Variants in CNOT2 observed in about 807,000 individuals in gnomAD.
CNOT2 encodes the protein CCR4-NOT transcription complex subunit 2, also known as CC chemokine receptor 4-negative regulator of transcription 2.
Under a neutral mutation model 72.1 loss-of-function variants are expected in CNOT2, and 7 were observed. The observed-to-expected ratio is 0.10, with a 90% confidence interval of 0.06 to 0.18. The LOEUF (loss-of-function observed/expected upper bound fraction) is 0.18. CNOT2 is among the 10% of genes least tolerant of loss of function. The pLI is 1.00. For synonymous variants in CNOT2, 196 were observed against 225.6 expected (o/e 0.87, Z 1.17); for missense variants, 345 against 660.3 (o/e 0.52, Z 5.23).
Position 70,338,537 on chromosome 12 carries a change from A to G in CNOT2, c.995A>G (p.Lys332Arg). 1.2e-6 allele frequency: 2 copies of G among 1,613,170 alleles called. No homozygotes were observed. Among genetic ancestry groups the G allele is most frequent in the Non-Finnish European group, 1.7e-6 (2 of 1,179,506 alleles). The change falls in exon 10 of 16, where the codon AAA becomes AGA. Residue 332 changes from lysine to arginine, a missense_variant. Lys to Arg is a conservative substitution (Grantham distance 26). Coordinates refer to ENST00000229195, the MANE Select transcript of CNOT2 (RefSeq NM_014515.7). Reference protein sequence around the residue: ...SSTTQNNNQQKKGIQVLPDGR... With the variant: ...SSTTQNNNQQRKGIQVLPDGR... The stretch of plus-strand genomic sequence containing the variant: ...ACAACACAAAATAATAACCAGCAGA[A>G]AAAAGGGATCCAGGTGTTACCTGAT...
At chr12:70,250,535 C>CA (rs1355719829) in intron 1 of CNOT2, among the ~76,000 whole-genome samples, 7 of 151,612 alleles carry the variant, frequency 4.6e-5, no homozygotes, top group Admixed American at 2.6e-4. Flanking sequence ...GAGGAGGAGA[C>CA]AGACAGTAAA....
At chr12:70,308,666 G>A (rs1048184564) in intron 2 of CNOT2, among the ~76,000 whole-genome samples, 4 of 150,536 alleles carry the variant, frequency 2.7e-5, no homozygotes, top group South Asian at 2.1e-4. Context: ...ATTTTCTTTC[G>A]TCTGGAACAT....
intron 2 of CNOT2, among the ~76,000 whole-genome samples, chr12:70,286,251 A>G (rs953938152): frequency 2.0e-5 from 3 of 149,274 alleles, no homozygotes; most frequent in African/African-American, 7.3e-5. Flanking sequence ...GAGTGTTTAT[A>G]CCAATTTTGA....
rs145570880 is a variant in CNOT2, at chr12:70,305,678, G to T, written c.49-5217G>T. Among the ~76,000 whole-genome samples, 3 of 152,196 alleles carry T rather than the reference G, an allele frequency of 2.0e-5. No homozygotes were observed. The East Asian group carries it at 5.8e-4, about 29-fold the overall frequency. On this transcript the variant is annotated intron_variant, in intron 2 of 15. Transcript: ENST00000229195. ...AAAATTAAGCTGAAACATAAGATTT[G>T]TGTTGGGTTCTAAGATAGTTAGTGC...
intron 1 of CNOT2, among the ~76,000 whole-genome samples, chr12:70,269,227 A>G (rs1025117902): frequency 2.6e-5 from 4 of 151,760 alleles, no homozygotes; most frequent in South Asian, 2.1e-4. Flanking sequence ...CTACCAGACT[A>G]CAATGTATCT....
At chr12:70,270,922 A>AT (rs1959200382) in intron 1 of CNOT2, among the ~76,000 whole-genome samples, 1 of 152,248 alleles carries the variant, frequency 6.6e-6, no homozygotes, top group Non-Finnish European at 1.5e-5. Flanking sequence ...AAGGACTTAT[A>AT]TAAAGTTCTT....
At chr12:70,333,389 A>G (rs374693447) in intron 7 of CNOT2, among the ~76,000 whole-genome samples, 212 of 152,082 alleles carry the variant, frequency 1.4e-3, no homozygotes, top group African/African-American at 4.8e-3. Context: ...TGATTTTGAC[A>G]GTAAAAAATT....
At chr12:70,313,238 A>G (rs1876775788) in intron 3 of CNOT2, among the ~76,000 whole-genome samples, 2 of 151,748 alleles carry the variant, frequency 1.3e-5, no homozygotes, top group Non-Finnish European at 1.5e-5. Context: ...CTATTTCTCT[A>G]TTGAGATCTT....
intron 14 of CNOT2, chr12:70,344,970 C>T (rs1881978338): frequency 6.6e-6 from 1 of 152,122 alleles, no homozygotes; most frequent in Non-Finnish European, 1.5e-5. Context: ...TTAAAGTCCA[C>T]ATTTTCATTA....
At chr12:70,270,917 CTT>C (rs1959199717) in intron 1 of CNOT2, among the ~76,000 whole-genome samples, 1 of 152,120 alleles carries the variant, frequency 6.6e-6, no homozygotes, top group Non-Finnish European at 1.5e-5. Flanking sequence ...TTCGGAAGGA[CTT>C]ATATAAAGTT....
At chr12:70,271,546 G>T (rs1959232355) in intron 1 of CNOT2, among the ~76,000 whole-genome samples, 1 of 151,856 alleles carries the variant, frequency 6.6e-6, no homozygotes, top group South Asian at 2.1e-4. Flanking sequence ...GCTAATTTTT[G>T]TATTTTTAGT....
At position 70,308,620 on chromosome 12, in the gene CNOT2, G is replaced by GA. The variant is rs377177860; in HGVS notation, c.49-2271dup. 5.1e-4 allele frequency among the ~76,000 whole-genome samples: 76 copies of GA among 149,226 alleles called. 1 individual carries two copies. Among genetic ancestry groups the GA allele is most frequent in the Middle Eastern group, 6.9e-3 (2 of 290 alleles). On this transcript the variant is annotated intron_variant, in intron 2 of 15. Transcript: ENST00000229195. ...CACACACACACACAGTGACTCTTGA[G>GA]AAAATCTGGTATTGATGGAAAAGGA...
chr12:70,297,743 T>C (rs78007528), intron 2 of CNOT2: 1 of 376,244 alleles, frequency 2.7e-6, no homozygotes, highest in African/African-American at 2.2e-5. Context: ...AATTTTTTTT[T>C]GTTTTCATTT....
chr12:70,249,615 A>AT (rs1211160438), intron 1 of CNOT2, among the ~76,000 whole-genome samples: 1 of 152,066 alleles, frequency 6.6e-6, no homozygotes, highest in African/African-American at 2.4e-5. Flanking sequence ...GCATCTGATC[A>AT]TCTTGCAGAT....
At chr12:70,340,258 A>T (rs1044489543) in intron 11 of CNOT2, among the ~76,000 whole-genome samples, 1 of 152,146 alleles carries the variant, frequency 6.6e-6, no homozygotes, top group Non-Finnish European at 1.5e-5. Context: ...TCCTTGATAC[A>T]CATTCTTGTA....
At chr12:70,338,348 A>AT in intron 9 of CNOT2, 95 bp from the exon 10 acceptor site, 2 of 1,031,926 alleles carry the variant, frequency 1.9e-6, no homozygotes, top group Non-Finnish European at 2.8e-6. Flanking sequence ...ACCAATTTAA[A>AT]TGTAATAAAG....
chr12:70,344,439 A>G, intron 14 of CNOT2: 1 of 451,924 alleles, frequency 2.2e-6, no homozygotes, highest in Non-Finnish European at 3.9e-6. Context: ...TTCAAACTTA[A>G]TGCTGAAGCT....
chr12:70,348,851 T>C (rs1037173078), intron 15 of CNOT2, among the ~76,000 whole-genome samples: 10 of 151,772 alleles, frequency 6.6e-5, no homozygotes, highest in Non-Finnish European at 1.2e-4. Context: ...TTACATATTT[T>C]TTATATATTA....
chr12:70,265,266 G>A (rs1253803581), intron 1 of CNOT2, among the ~76,000 whole-genome samples: 2 of 98,572 alleles, frequency 2.0e-5, no homozygotes, highest in Non-Finnish European at 4.8e-5. Flanking sequence ...CTGGAGTTTC[G>A]TTTTGTTTCT....
Sources: allele counts gnomAD v4.1 joint callset (sites outside exome capture counted in the v4.1 genomes callset), GRCh38; gene constraint gnomAD v4.1.1; transcripts MANE v1.5; gene names NCBI Gene and HGNC (gene_info 2026-07-23, HGNC 2026-07-21).